Variants in LRRC27 observed in about 807,000 individuals in gnomAD.
The protein encoded by LRRC27 is leucine-rich repeat-containing protein 27.
A neutral mutation model predicts 55.0 loss-of-function variants in LRRC27; 57 were observed. The ratio of observed to expected loss-of-function variants is 1.04; its 90% CI spans 0.84 to 1.29. The LOEUF (loss-of-function observed/expected upper bound fraction) is 1.29, where lower values mean the gene tolerates loss of function less well. Among genes scored for constraint, LRRC27 ranks in the 50% most tolerant of loss-of-function variants. LRRC27 has a pLI of 0.00. For missense variants in LRRC27, 721 were observed against 651.5 expected, an observed-to-expected ratio of 1.11 and a Z score of -1.16; for synonymous variants, 278 against 251.9, an observed-to-expected ratio of 1.10 and a Z score of -0.98.
chr10:132,381,172 G>A lies in LRRC27; in HGVS notation c.*5930G>A, dbSNP rs1049781902. On this transcript the variant is annotated 3_prime_UTR_variant, in exon 11 of 11. Transcript: ENST00000368614. ...CATCCAGTCGGCTGCCAGCATGGCT[G>A]GAAAAAGCAGGCAGAAGAAGGTGGC... 6.6e-6 allele frequency among the ~76,000 whole-genome samples: 1 copy of A among 152,244 alleles called. No homozygotes were observed. Among genetic ancestry groups the A allele is most frequent in the Non-Finnish European group, 1.5e-5 (1 of 68,046 alleles).
chr10:132,346,404 T>C (rs530929192), intron 5 of LRRC27, among the ~76,000 whole-genome samples: 33 of 152,306 alleles, frequency 2.2e-4, no homozygotes, highest in African/African-American at 7.7e-4. Flanking sequence ...CTGGCGGGCG[T>C]GGTGGCTCAC....
chr10:132,369,692 C>T (rs935348179), intron 10 of LRRC27, among the ~76,000 whole-genome samples: 7 of 152,178 alleles, frequency 4.6e-5, no homozygotes, highest in African/African-American at 1.7e-4. Context: ...GCCTGCATGT[C>T]GACTGTGGAC....
chr10:132,372,483 G>A lies in LRRC27; in HGVS notation c.1417-2583G>A, dbSNP rs1446801284. On this transcript the variant is annotated intron_variant, in intron 10 of 10. Coordinates refer to ENST00000368614, the MANE Select transcript of LRRC27 (RefSeq NM_030626.3). The surrounding 1 kb of genome is among the most constrained non-coding windows in gnomAD (Gnocchi z 4.0). ...CGCAGGAGACAAAGGCCGGAGAATC[G>A]CTTGAACCCAGGAGGCAGAGGTTGC... 3.9e-5 allele frequency among the ~76,000 whole-genome samples: 6 copies of A among 152,226 alleles called. No homozygotes were observed. The highest frequency in any genetic ancestry group is 9.6e-5 in the African/African-American group (4 of 41,458).
At chr10:132,349,330 A>C (rs1044038622) in intron 6 of LRRC27, among the ~76,000 whole-genome samples, 1 of 152,230 alleles carries the variant, frequency 6.6e-6, no homozygotes, top group African/African-American at 2.4e-5. Flanking sequence ...AGGTGTTGGC[A>C]TGAAGCGCTC....
chr10:132,334,565 A>G (rs1275577094), intron 2 of LRRC27, among the ~76,000 whole-genome samples: 1 of 152,220 alleles, frequency 6.6e-6, no homozygotes, highest in African/African-American at 2.4e-5. Context: ...GAGTGCTTCT[A>G]CAAGAGCTAC....
At chr10:132,364,982 C>G (rs2068992521) in intron 9 of LRRC27, among the ~76,000 whole-genome samples, 2 of 152,220 alleles carry the variant, frequency 1.3e-5, no homozygotes, top group South Asian at 4.1e-4. Flanking sequence ...AGCCCCAGTG[C>G]TAACAGAAAA....
At position 132,351,670 on chromosome 10, in the gene LRRC27, C is replaced by A. The variant is rs766537617; in HGVS notation, c.990C>A (p.Ile330=). ...PDLLSPYQMA[I]RAKRLEESRA... ...TCTTGTCACCGTACCAAATGGCGAT[C>A]CGAGCAAAAAGACTGGAAGAGAGCC... is the stretch of plus-strand genomic sequence containing the variant. The change falls in exon 7 of 11, where the codon ATC becomes ATA. Residue 330 remains isoleucine (I), a synonymous_variant. Coordinates refer to ENST00000368614, the MANE Select transcript of LRRC27 (RefSeq NM_030626.3). 1.2e-5 allele frequency: 19 copies of A among 1,614,092 alleles called. No homozygotes were observed. The highest frequency in any genetic ancestry group is 3.3e-5 in the Admixed American group (2 of 60,016).
chr10:132,349,346 C>G (rs2067892879), intron 6 of LRRC27, among the ~76,000 whole-genome samples: 1 of 152,106 alleles, frequency 6.6e-6, no homozygotes, highest in Non-Finnish European at 1.5e-5. Context: ...CGCTCATGGC[C>G]CTGATCTTTC....
In LRRC27 at chr10:132,337,846, C is replaced by T. The variant is rs901793760; in HGVS notation, c.341+151C>T. 130 of 832,080 alleles carry T rather than the reference C, an allele frequency of 1.6e-4. 1 individual carries two copies. Among genetic ancestry groups the T allele is most frequent in the Non-Finnish European group, 3.8e-5 (21 of 549,254 alleles). The allele number at this position is 832,080 out of a possible 1,614,324, so 51.5% of individuals were successfully genotyped here. Reference sequence around the variant, plus strand: ...TTTAAAGCCAGCTAAGAGGTTGCGACGGCTGAATGTACCCAACACAGAACT... The same window carrying T: ...TTTAAAGCCAGCTAAGAGGTTGCGATGGCTGAATGTACCCAACACAGAACT... On this transcript the variant is annotated intron_variant, in intron 3 of 10. Coordinates refer to ENST00000368614, the MANE Select transcript of LRRC27 (RefSeq NM_030626.3).
chr10:132,345,061 A>G (rs1047522315), intron 5 of LRRC27, among the ~76,000 whole-genome samples: 8 of 152,200 alleles, frequency 5.3e-5, no homozygotes, highest in African/African-American at 1.9e-4. Context: ...CCCTGTAGAC[A>G]TGTTTTATCT....
chr10:132,332,772 C>A (rs907627742), intron 1 of LRRC27, among the ~76,000 whole-genome samples: 2 of 152,080 alleles, frequency 1.3e-5, no homozygotes, highest in African/African-American at 4.8e-5. Context: ...CCTAACTGAT[C>A]TGCGCCTCAT....
rs555167001 is a variant in LRRC27, at chr10:132,367,454, A to G, written c.1416+1904A>G. ...CATACAAAGATATTACAAGAAAGGA[A>G]AAGTGTAGACCAATATCGCTCATGA... On this transcript the variant is annotated intron_variant, in intron 10 of 10. Transcript: ENST00000368614. Among the ~76,000 whole-genome samples the G allele has an allele frequency of 3.3e-5, 5 of 152,366 alleles. No homozygotes were observed. In the South Asian group the frequency reaches 1.0e-3, roughly 32 times the overall value.
upstream of LRRC27, chr10:132,331,774 C>A (rs2138535810): frequency 1.2e-6 from 2 of 1,608,964 alleles, no homozygotes; most frequent in Middle Eastern, 3.3e-4. Flanking sequence ...AGGCCGGTCG[C>A]CCCTCCAGAC....
chr10:132,364,483 A>ACACCCG (rs2068876045), intron 9 of LRRC27, among the ~76,000 whole-genome samples: 2 of 1,860 alleles, frequency 1.1e-3, no homozygotes, highest in South Asian at 0.016. Flanking sequence ...ACACCCACCC[A>ACACCCG]CACTTACACC....
In LRRC27 at chr10:132,348,560, T is replaced by C. The variant is rs1319269692; in HGVS notation, c.926+204T>C. Among the ~76,000 whole-genome samples, 1 of 152,290 alleles carries C rather than the reference T, an allele frequency of 6.6e-6. No individual in the cohort carries two copies. The highest frequency in any genetic ancestry group is 1.5e-5 in the Non-Finnish European group (1 of 68,026). ...GCATCTGCGGCAGAGCTCAGTCCAT[T>C]CAGAGGCTGAGTTTGCCAAGGTTGA... is the stretch of plus-strand genomic sequence containing the variant. On this transcript the variant is annotated intron_variant, in intron 6 of 10. Coordinates refer to ENST00000368614, the MANE Select transcript of LRRC27 (RefSeq NM_030626.3). The surrounding 1 kb of genome is among the most constrained non-coding windows in gnomAD (Gnocchi z 4.2).
At chr10:132,330,491 T>G (rs889097354), upstream of LRRC27, 6 of 716,932 alleles carry the variant, frequency 8.4e-6, no homozygotes, top group Non-Finnish European at 1.6e-5. Context: ...GCTTCCTGAT[T>G]GGTAGATAGT....
intron 1 of LRRC27, 92 bp from the exon 2 acceptor site, chr10:132,333,384 GC>G: frequency 2.1e-6 from 1 of 472,570 alleles, no homozygotes; most frequent in Non-Finnish European, 3.5e-6. Flanking sequence ...AGCTTTTAAA[GC>G]AAGTTACATT....
chr10:132,337,087 C>G, intron 2 of LRRC27: 1 of 1,269,272 alleles, frequency 7.9e-7, no homozygotes, highest in Non-Finnish European at 9.9e-7. Flanking sequence ...CGGCAGACAT[C>G]TCTGTCCCTG....
chr10:132,366,978 A>G (rs2069110065), intron 10 of LRRC27: 2 of 1,267,112 alleles, frequency 1.6e-6, no homozygotes. Context: ...ATCTGCCTTT[A>G]GATAAACTCT....
Sources: gnomAD v4.1 joint callset for allele counts (sites outside exome capture counted in the v4.1 genomes callset) on GRCh38, gnomAD v4.1.1 for gene constraint, Gnocchi (gnomAD v3.1) non-coding constraint, MANE v1.5 for transcripts, NCBI Gene and HGNC (gene_info 2026-07-23, HGNC 2026-07-21) for gene names.